The following RANBP2 variants were observed in gnomAD, a reference collection of about 807,000 sequenced individuals.
RANBP2 encodes the protein E3 SUMO-protein ligase RanBP2.
A neutral mutation model predicts 303.6 loss-of-function variants in RANBP2; 57 were observed. The ratio of observed to expected loss-of-function variants is 0.19; its 90% confidence interval spans 0.15 to 0.23. RANBP2 has a LOEUF of 0.23. Ranked by LOEUF, RANBP2 falls within the 10% of genes least tolerant of loss-of-function variation. RANBP2 has a pLI of 1.00. For missense variants in RANBP2, 3,138 were observed against 3,780.8 expected, an observed-to-expected ratio of 0.83 and a Z score of 4.46; for synonymous variants, 1,167 against 1,301.5, an observed-to-expected ratio of 0.90 and a Z score of 2.23.
chr2:109,542,078 T>C, the RANBP2 span, among the ~76,000 whole-genome samples: 3 of 152,202 alleles, frequency 2.0e-5, no homozygotes, highest in Non-Finnish European at 4.4e-5. Flanking sequence ...GAGACAACTG[T>C]TTCATAAGCT....
chr2:108,946,878 G>T, the RANBP2 span, among the ~76,000 whole-genome samples: 1 of 146,658 alleles, frequency 6.8e-6, no homozygotes, highest in African/African-American at 2.6e-5. Context: ...TCCGCCCCTG[G>T]TCCCTCCCAA....
chr2:108,780,727 G>A (rs1396895697), intron 25 of RANBP2, among the ~76,000 whole-genome samples: 1 of 141,168 alleles, frequency 7.1e-6, no homozygotes, highest in African/African-American at 2.6e-5. Context: ...TTTTTTTTTT[G>A]AGACGGAGTT....
the RANBP2 span, among the ~76,000 whole-genome samples, chr2:109,249,507 TTCA>T: frequency 3.7e-5 from 2 of 54,368 alleles, no homozygotes; most frequent in African/African-American, 7.3e-5. Context: ...CTTTCTTTCT[TTCA>T]TTCTTTCTTT....
the RANBP2 span, among the ~76,000 whole-genome samples, chr2:109,352,523 G>T: frequency 1.3e-5 from 2 of 152,198 alleles, no homozygotes; most frequent in Admixed American, 6.5e-5. Flanking sequence ...GAATTGGGAT[G>T]ACTTTGGGGG....
Position 108,764,590 on chromosome 2 carries a change from A to G in RANBP2, c.4051A>G (p.Lys1351Glu). 6.2e-7 allele frequency: 1 copy of G among 1,614,078 alleles called. No homozygotes were observed. Among genetic ancestry groups the G allele is most frequent in the Non-Finnish European group, 8.5e-7 (1 of 1,179,976 alleles). Residue 1351 changes from lysine (K) to glutamate (E), a missense_variant, in exon 20 of 29, where the codon AAA (lysine) becomes GAA (glutamate). Coordinates refer to ENST00000283195, the MANE Select transcript of RANBP2 (RefSeq NM_006267.5). ...GAATTTTGAATTTCAGGTTGCAAAGAAAGAAGGGTCTTGGTGGCATTGTAA... is the reference window on the plus strand; with the variant it reads ...GAATTTTGAATTTCAGGTTGCAAAGGAAGAAGGGTCTTGGTGGCATTGTAA... The part of the protein sequence containing the change: ...NLNFEFQVAK[K>E]EGSWWHCNSC...
At chr2:109,221,345 G>T in the RANBP2 span, among the ~76,000 whole-genome samples, 2 of 152,122 alleles carry the variant, frequency 1.3e-5, no homozygotes, top group Admixed American at 6.6e-5. Flanking sequence ...CATTTTGGGA[G>T]GCTGAGACAG....
the RANBP2 span, among the ~76,000 whole-genome samples, chr2:109,522,840 A>ACCC: frequency 6.6e-6 from 1 of 152,218 alleles, no homozygotes; most frequent in African/African-American, 2.4e-5. Context: ...CCCAGGGTGG[A>ACCC]AGCACGTGGC....
the RANBP2 span, among the ~76,000 whole-genome samples, chr2:109,354,894 T>C: frequency 6.6e-6 from 1 of 152,246 alleles, no homozygotes; most frequent in Non-Finnish European, 1.5e-5. Flanking sequence ...GTCACCTGAA[T>C]CCTTTGTGAA....
the RANBP2 span, among the ~76,000 whole-genome samples, chr2:109,578,078 T>G: frequency 6.6e-6 from 1 of 152,104 alleles, no homozygotes; most frequent in Non-Finnish European, 1.5e-5. Context: ...TGTGATAATG[T>G]GTAAGAGAAC....
intron 23 of RANBP2, among the ~76,000 whole-genome samples, chr2:108,774,704 CTT>C (rs5833302): frequency 1.9e-4 from 26 of 138,138 alleles, no homozygotes; most frequent in Non-Finnish European, 2.2e-4. Context: ...TTTCTAGTTT[CTT>C]TTTTTTTTTT....
At chr2:109,629,302 GATATATATAT>G in the RANBP2 span, among the ~76,000 whole-genome samples, 211 of 77,532 alleles carry the variant, frequency 2.7e-3, 4 homozygotes, top group South Asian at 6.4e-3. Flanking sequence ...CTGGCCTAAA[GATATATATAT>G]ATATATATAT....
the RANBP2 span, among the ~76,000 whole-genome samples, chr2:108,975,053 A>T: frequency 1.5e-3 from 232 of 152,314 alleles, 1 homozygote; most frequent in African/African-American, 5.3e-3. Context: ...CCACGGCCCC[A>T]TTGTGGAATC....
chr2:109,088,109 A>T, the RANBP2 span, among the ~76,000 whole-genome samples: 2 of 152,040 alleles, frequency 1.3e-5, no homozygotes, highest in Admixed American at 1.3e-4. Context: ...CTAAAAATAC[A>T]AAAATTAGGC....
chr2:108,919,086 C>A, the RANBP2 span, among the ~76,000 whole-genome samples: 1 of 152,146 alleles, frequency 6.6e-6, no homozygotes, highest in Admixed American at 6.5e-5. Flanking sequence ...TGTGTGCAGT[C>A]AGGTCTGAGA....
the RANBP2 span, among the ~76,000 whole-genome samples, chr2:109,022,695 G>T: frequency 1.8e-4 from 28 of 152,076 alleles, no homozygotes; most frequent in African/African-American, 5.8e-4. Context: ...CCTAGCCTTC[G>T]TCACTACACA....
At chr2:108,850,239 A>G in the RANBP2 span, among the ~76,000 whole-genome samples, 1 of 152,226 alleles carries the variant, frequency 6.6e-6, no homozygotes, top group Non-Finnish European at 1.5e-5. Flanking sequence ...TATTTATAAA[A>G]TAGGAACATC....
the RANBP2 span, among the ~76,000 whole-genome samples, chr2:109,505,517 A>AC: frequency 2.0e-5 from 3 of 152,038 alleles, no homozygotes; most frequent in African/African-American, 4.8e-5. Context: ...AAATAAAATA[A>AC]TTTTTTTTAA....
chr2:109,672,190 A>G, the RANBP2 span, among the ~76,000 whole-genome samples: 62 of 152,366 alleles, frequency 4.1e-4, no homozygotes, highest in African/African-American at 1.4e-3. Context: ...TTGAATAGCT[A>G]TGCTTTCCTG....
chr2:108,936,480 G>T, the RANBP2 span, among the ~76,000 whole-genome samples: 1 of 9,110 alleles, frequency 1.1e-4, no homozygotes, highest in Non-Finnish European at 1.9e-3. Flanking sequence ...AGCTGGCTGC[G>T]GGCTCCCTGC....
Sources: gnomAD v4.1 joint callset for allele counts (sites outside exome capture counted in the v4.1 genomes callset) on GRCh38, gnomAD v4.1.1 for gene constraint, MANE v1.5 for transcripts, NCBI Gene and HGNC (gene_info 2026-07-23, HGNC 2026-07-21) for gene names.